STRN3: variants seen among roughly 807,000 people sequenced by gnomAD.
The protein encoded by STRN3 is striatin 3, also known as striatin-3.
Under a neutral mutation model 95.6 loss-of-function variants are expected in STRN3, and 29 were observed. That is an observed-to-expected ratio of 0.30 (90% CI 0.23 to 0.41). The LOEUF is 0.41. Ranked by LOEUF, STRN3 falls within the 10% of genes least tolerant of loss-of-function variation. STRN3 has a pLI of 1.00. For missense variants in STRN3, 890 were observed against 972.1 expected, an observed-to-expected ratio of 0.92 and a Z score of 1.12; for synonymous variants, 331 against 357.6, an observed-to-expected ratio of 0.93 and a Z score of 0.84.
At chr14:30,903,979 T>A (rs914974318) in intron 15 of STRN3, among the ~76,000 whole-genome samples, 1 of 152,214 alleles carries the variant, frequency 6.6e-6, no homozygotes. Flanking sequence ...AGAACCAAGA[T>A]AAATCTGAAG....
intron 1 of STRN3, among the ~76,000 whole-genome samples, chr14:30,959,118 G>C (rs1451348096): frequency 6.6e-6 from 1 of 152,204 alleles, no homozygotes; most frequent in East Asian, 1.9e-4. Flanking sequence ...TTAAGACCAG[G>C]AGTTTGAGAC....
intron 1 of STRN3, among the ~76,000 whole-genome samples, chr14:31,012,005 C>T (rs960406398): frequency 6.6e-6 from 1 of 152,196 alleles, no homozygotes; most frequent in East Asian, 1.9e-4. Context: ...TCGCTTGAAT[C>T]CAGGAGCCGG....
At chr14:30,945,231 C>T (rs1396703073) in intron 5 of STRN3, among the ~76,000 whole-genome samples, 1 of 152,162 alleles carries the variant, frequency 6.6e-6, no homozygotes, top group Non-Finnish European at 1.5e-5. Flanking sequence ...TAAAACAGTG[C>T]AGCTACCTTG....
chr14:30,948,880 T>C (rs1879497243), intron 4 of STRN3, among the ~76,000 whole-genome samples: 1 of 152,198 alleles, frequency 6.6e-6, no homozygotes, highest in Non-Finnish European at 1.5e-5. Context: ...TGCAGTCCTC[T>C]CTTGGGGAGA....
chr14:30,936,405 T>C, intron 6 of STRN3, 90 bp downstream of exon 6: 1 of 1,394,286 alleles, frequency 7.2e-7, no homozygotes, highest in Non-Finnish European at 9.6e-7. Context: ...AGATGATCAA[T>C]CACTCCCAAT....
At chr14:30,918,792 C>A (rs1277522628) in intron 9 of STRN3, among the ~76,000 whole-genome samples, 174 bp downstream of exon 9, 1 of 152,090 alleles carries the variant, frequency 6.6e-6, no homozygotes. Context: ...GAAATAGAAA[C>A]CAGAAATGTC....
At position 30,906,984 on chromosome 14, in the gene STRN3, T is replaced by C. The variant is rs773853151; in HGVS notation, c.1781A>G (p.Tyr594Cys). The stretch of plus-strand genomic sequence containing the variant: ...CAGTAATTGATTTTTTATGCCACTA[T>C]AAGCAAGACCCCAAACTGCATCTGT... ...GHTDAVWGLA[Y>C]SGIKNQLLSC... The change falls in exon 14 of 18, where the codon TAT (tyrosine) becomes TGT (cysteine). Residue 594 changes from tyrosine (Y) to cysteine (C), a missense_variant. Coordinates refer to ENST00000357479, the MANE Select transcript of STRN3 (RefSeq NM_001083893.2). 14 of 1,613,962 alleles carry C rather than the reference T, an allele frequency of 8.7e-6. No homozygotes were observed. Among genetic ancestry groups the C allele is most frequent in the Non-Finnish European group, 1.1e-5 (13 of 1,179,906 alleles).
chr14:30,935,165 C>A lies in STRN3; in HGVS notation c.986G>T (p.Trp329Leu). The A allele has an allele frequency of 6.2e-7, 1 of 1,613,744 alleles. No individual in the cohort carries two copies. The highest frequency in any genetic ancestry group is 8.5e-7 in the Non-Finnish European group (1 of 1,179,836). The change falls in exon 7 of 18, where the codon TGG becomes TTG. Residue 329 changes from tryptophan (W) to leucine (L), a missense_variant and splice_region_variant. Transcript: ENST00000357479. The part of the protein sequence containing the change: ...EARSSGDGTE[W>L]DKDDLSPTAE... ...CCGGTATTTCTTTATCACCTTACCCCATTCTGTGCCATCCCCCGAACTCCG... is the reference window on the plus strand; with the variant it reads ...CCGGTATTTCTTTATCACCTTACCCAATTCTGTGCCATCCCCCGAACTCCG...
chr14:30,995,174 C>T (rs531937473), intron 1 of STRN3, among the ~76,000 whole-genome samples: 7 of 152,308 alleles, frequency 4.6e-5, no homozygotes, highest in African/African-American at 7.2e-5. Context: ...AGCTGTGAAT[C>T]ATCTTCCACG....
At chr14:30,929,979 A>AC (rs67258419) in intron 7 of STRN3, among the ~76,000 whole-genome samples, 6 of 147,382 alleles carry the variant, frequency 4.1e-5, no homozygotes, top group Non-Finnish European at 7.5e-5. Flanking sequence ...AAAAAAAAAA[A>AC]CTCAAATTCC....
intron 1 of STRN3, among the ~76,000 whole-genome samples, chr14:30,965,925 TA>T (rs1166131247): frequency 6.6e-6 from 1 of 152,128 alleles, no homozygotes; most frequent in Non-Finnish European, 1.5e-5. Context: ...CTTTTAAACT[TA>T]ACTTCCTCAT....
At chr14:30,938,067 T>G (rs925009315) in intron 5 of STRN3, among the ~76,000 whole-genome samples, 9 of 151,974 alleles carry the variant, frequency 5.9e-5, no homozygotes, top group Non-Finnish European at 1.2e-4. Context: ...CACTGTATTT[T>G]TAAATTTGTA....
chr14:30,960,149 C>A (rs904486650), intron 1 of STRN3, among the ~76,000 whole-genome samples: 1 of 150,280 alleles, frequency 6.7e-6, no homozygotes, highest in Non-Finnish European at 1.5e-5. Flanking sequence ...TGAGACCAGG[C>A]GTTCAAGACC....
chr14:31,017,215 C>A (rs1883281116), intron 1 of STRN3, among the ~76,000 whole-genome samples: 1 of 150,814 alleles, frequency 6.6e-6, no homozygotes, highest in East Asian at 2.0e-4. Context: ...TATAAGTAAT[C>A]TAGGCCGGGC....
At chr14:30,930,073 C>T (rs939511235) in intron 7 of STRN3, among the ~76,000 whole-genome samples, 1 of 146,840 alleles carries the variant, frequency 6.8e-6, no homozygotes, top group East Asian at 2.0e-4. Flanking sequence ...CATTGCTGTA[C>T]AACTGCTAAA....
chr14:30,975,875 T>C (rs1052062374), intron 1 of STRN3, among the ~76,000 whole-genome samples: 4 of 149,052 alleles, frequency 2.7e-5, no homozygotes, highest in Admixed American at 1.3e-4. Context: ...CTTGAATTAG[T>C]TGTAAATGTT....
At position 30,918,967 on chromosome 14, in the gene STRN3, T is replaced by C. The variant is rs956350710; in HGVS notation, c.1239A>G (p.Glu413=). 3.2e-6 allele frequency: 5 copies of C among 1,569,126 alleles called. No individual in the cohort carries two copies. Among genetic ancestry groups the C allele is most frequent in the Non-Finnish European group, 4.3e-6 (5 of 1,156,510 alleles). The change falls in exon 9 of 18, where the codon GAA becomes GAG. Residue 413 remains glutamate, a splice_region_variant and synonymous_variant. Transcript: ENST00000357479. ...AAACATGGTAGCTAAATTTTGTACC[T>C]TCCTCTGCTCTTGCACCTTCATGAT... ...MTDHEGARAE[E]AEPITFPSGG...
In STRN3 at chr14:30,907,050, G is replaced by GA. The variant is rs555764793; in HGVS notation, c.1721-7dup. 931 of 1,590,266 alleles carry GA rather than the reference G, an allele frequency of 5.9e-4. No homozygotes were observed. The highest frequency in any genetic ancestry group is 7.6e-4 in the Non-Finnish European group (890 of 1,173,000). ...GCCAGCTAGAACATTTGGCTCTGGGGAAAAAACAAACAAACAAAAAATTAG... is the reference window on the plus strand; with the variant it reads ...GCCAGCTAGAACATTTGGCTCTGGGGAAAAAAACAAACAAACAAAAAATTAG... On this transcript the variant is annotated splice_polypyrimidine_tract_variant and splice_region_variant and intron_variant, in intron 13 of 17. Transcript: ENST00000357479.
Position 30,944,621 on chromosome 14 carries a change from A to T in STRN3, c.716+2469T>A, listed in dbSNP as rs1196522114. 6.9e-5 allele frequency among the ~76,000 whole-genome samples: 8 copies of T among 115,760 alleles called. No homozygotes were observed. The South Asian group carries it at 1.5e-3, about 21-fold the overall frequency. The allele number at this position is 115,760 out of a possible 152,430, so 75.9% of individuals were successfully genotyped here. On this transcript the variant is annotated intron_variant, in intron 5 of 17. Coordinates refer to ENST00000357479, the MANE Select transcript of STRN3 (RefSeq NM_001083893.2). ...TATATATATACACATATATATACAC[A>T]TTTTTTTTTTTTTTTGAGATGGAGT...
Sources: gnomAD v4.1 joint callset for allele counts (sites outside exome capture counted in the v4.1 genomes callset) on GRCh38, gnomAD v4.1.1 for gene constraint, MANE v1.5 for transcripts, NCBI Gene and HGNC (gene_info 2026-07-23, HGNC 2026-07-21) for gene names.